CCDC178: variants seen among roughly 807,000 people sequenced by gnomAD.
CCDC178 encodes the protein coiled-coil domain-containing protein 178.
CCDC178 carries 126 observed loss-of-function variants against 117.4 expected under a neutral mutation model. That is an observed-to-expected ratio of 1.07 (90% CI 0.93 to 1.24). The LOEUF is 1.24. CCDC178 is among the 50% of genes most tolerant of loss of function. The pLI, the probability that CCDC178 is intolerant of heterozygous loss-of-function variation, is 0.00. For missense variants in CCDC178, 1,030 were observed against 986.9 expected (o/e 1.04, Z -0.59); for synonymous variants, 283 against 313.4 (o/e 0.90, Z 1.02).
chr18:33,317,783 C>T (rs1471773159), intron 11 of CCDC178, among the ~76,000 whole-genome samples: 1 of 152,078 alleles, frequency 6.6e-6, no homozygotes, highest in Non-Finnish European at 1.5e-5. Flanking sequence ...TGAATTTCTA[C>T]CCTGCCTTAA....
At chr18:33,239,806 C>T (rs2144674473) in intron 15 of CCDC178, among the ~76,000 whole-genome samples, 1 of 151,736 alleles carries the variant, frequency 6.6e-6, no homozygotes, top group East Asian at 1.9e-4. Context: ...ACCACCTAGA[C>T]AAAAACCCAA....
intron 3 of CCDC178, among the ~76,000 whole-genome samples, chr18:33,411,461 T>C (rs535563057): frequency 2.0e-5 from 3 of 152,182 alleles, no homozygotes; most frequent in Admixed American, 6.6e-5. Flanking sequence ...TGGGCTATAA[T>C]TTACTGACCT....
intron 11 of CCDC178, 27 bp downstream of exon 11, chr18:33,323,464 T>C: frequency 7.2e-7 from 1 of 1,390,376 alleles, no homozygotes; most frequent in Non-Finnish European, 9.5e-7. Context: ...CTAAATGCTA[T>C]AATTAGTGTT....
chr18:32,978,772 A>C (rs574892028), intron 21 of CCDC178, among the ~76,000 whole-genome samples: 48 of 152,262 alleles, frequency 3.2e-4, no homozygotes, highest in African/African-American at 1.1e-3. Context: ...CACGGTGGCT[A>C]ACGCCTGTAA....
intron 14 of CCDC178, among the ~76,000 whole-genome samples, chr18:33,251,821 A>G (rs779481646): frequency 6.6e-6 from 1 of 151,872 alleles, no homozygotes; most frequent in South Asian, 2.1e-4. Flanking sequence ...GCTACTTAGC[A>G]TACTTGTGTT....
At chr18:33,047,361 T>TAACCAATAGGC (rs1395673048) in intron 21 of CCDC178, among the ~76,000 whole-genome samples, 1 of 152,206 alleles carries the variant, frequency 6.6e-6, no homozygotes, top group Non-Finnish European at 1.5e-5. Context: ...AACCAATATG[T>TAACCAATAGGC]TACAAAGTGG....
intron 21 of CCDC178, among the ~76,000 whole-genome samples, chr18:33,075,546 T>C (rs1598855566): frequency 6.6e-6 from 1 of 152,232 alleles, no homozygotes; most frequent in East Asian, 1.9e-4. Flanking sequence ...ATACCTACTA[T>C]GTAACTTCAA....
chr18:33,366,112 T>C (rs956858880), intron 6 of CCDC178, among the ~76,000 whole-genome samples: 1 of 152,054 alleles, frequency 6.6e-6, no homozygotes, highest in African/African-American at 2.4e-5. Flanking sequence ...ACTGATCTTT[T>C]ACTCATTCAG....
intron 9 of CCDC178, among the ~76,000 whole-genome samples, chr18:33,334,252 A>T (rs1014469663): frequency 2.6e-5 from 4 of 152,150 alleles, no homozygotes; most frequent in African/African-American, 7.2e-5. Flanking sequence ...AAACTACATA[A>T]ATCTATTAAT....
At chr18:33,276,728 G>T (rs924016692) in intron 12 of CCDC178, among the ~76,000 whole-genome samples, 1 of 152,062 alleles carries the variant, frequency 6.6e-6, no homozygotes, top group Non-Finnish European at 1.5e-5. Context: ...ATGGTAAAAA[G>T]AAAATTGGGG....
intron 11 of CCDC178, among the ~76,000 whole-genome samples, chr18:33,300,843 G>A (rs1176311663): frequency 6.6e-6 from 1 of 152,206 alleles, no homozygotes; most frequent in Non-Finnish European, 1.5e-5. Flanking sequence ...GGGAAGCAGA[G>A]AGTAAAAGTC....
intron 21 of CCDC178, among the ~76,000 whole-genome samples, chr18:33,037,509 T>A (rs1325052497): frequency 3.2e-4 from 48 of 152,002 alleles, no homozygotes; most frequent in Non-Finnish European, 1.5e-5. Context: ...TTATTACTTT[T>A]CTACCGTAGT....
chr18:33,433,589 A>G (rs2064248945), intron 2 of CCDC178, among the ~76,000 whole-genome samples: 1 of 152,168 alleles, frequency 6.6e-6, no homozygotes, highest in Non-Finnish European at 1.5e-5. Context: ...GGAAAATATC[A>G]GACTAAAATG....
intron 12 of CCDC178, among the ~76,000 whole-genome samples, chr18:33,267,946 A>G (rs2059838403): frequency 6.6e-6 from 1 of 151,622 alleles, no homozygotes; most frequent in Non-Finnish European, 1.5e-5. Flanking sequence ...TCTCAAAAAT[A>G]TAAATTATTT....
intron 21 of CCDC178, among the ~76,000 whole-genome samples, chr18:32,982,938 A>G (rs2055181698): frequency 6.6e-6 from 1 of 152,090 alleles, no homozygotes; most frequent in South Asian, 2.1e-4. Context: ...CAACACCAAG[A>G]GTGAACCCTA....
intron 21 of CCDC178, among the ~76,000 whole-genome samples, chr18:33,082,656 G>C (rs190812564): frequency 1.1e-4 from 16 of 152,136 alleles, no homozygotes; most frequent in Non-Finnish European, 1.9e-4. Context: ...GCACACCAAT[G>C]TGGCACATGT....
At chr18:33,359,379 A>T (rs1260095263) in intron 6 of CCDC178, among the ~76,000 whole-genome samples, 1 of 151,778 alleles carries the variant, frequency 6.6e-6, no homozygotes, top group Non-Finnish European at 1.5e-5. Context: ...ACAAAGAAAT[A>T]ATTAAAAAAT....
At chr18:33,420,054 C>T (rs981138588) in intron 2 of CCDC178, among the ~76,000 whole-genome samples, 1 of 151,868 alleles carries the variant, frequency 6.6e-6, no homozygotes, top group Admixed American at 6.6e-5. Context: ...GAATGCCCAT[C>T]AATAGTAGAC....
chr18:33,181,923 G>C (rs957510407), intron 20 of CCDC178, among the ~76,000 whole-genome samples: 1 of 151,742 alleles, frequency 6.6e-6, no homozygotes, highest in Non-Finnish European at 1.5e-5. Flanking sequence ...TTTTTCCTTA[G>C]TGGCAAACAC....
Sources: allele counts gnomAD v4.1 joint callset (sites outside exome capture counted in the v4.1 genomes callset), GRCh38; gene constraint gnomAD v4.1.1; transcripts MANE v1.5; gene names NCBI Gene and HGNC (gene_info 2026-07-23, HGNC 2026-07-21).